Variants in SMIM10L3 observed in about 807,000 individuals in gnomAD.
SMIM10L3 encodes small integral membrane protein 10 like 3.
At chr7:6,333,883 T>G in the SMIM10L3 span, among the ~76,000 whole-genome samples, 38 of 147,080 alleles carry the variant, frequency 2.6e-4, no homozygotes, top group East Asian at 5.1e-3. Context: ...TTGCTCTTTT[T>G]TTGCCCAGGC....
chr7:6,330,037 G>T, the SMIM10L3 span: 1 of 276,960 alleles, frequency 3.6e-6, no homozygotes, highest in African/African-American at 2.3e-5. Flanking sequence ...AGGACACACA[G>T]GATTTGGGAC....
At chr7:6,346,989 T>C in the SMIM10L3 span, among the ~76,000 whole-genome samples, 3 of 152,140 alleles carry the variant, frequency 2.0e-5, no homozygotes, top group African/African-American at 7.2e-5. Context: ...CCAGCTTTCT[T>C]TGAGAAAGAA....
the SMIM10L3 span, among the ~76,000 whole-genome samples, chr7:6,345,264 C>G: frequency 5.9e-5 from 9 of 151,386 alleles, no homozygotes; most frequent in African/African-American, 1.7e-4. Context: ...ATTACAGGCA[C>G]GCACCACGAC....
the SMIM10L3 span, among the ~76,000 whole-genome samples, chr7:6,339,094 T>C: frequency 6.6e-6 from 1 of 152,104 alleles, no homozygotes; most frequent in Non-Finnish European, 1.5e-5. Context: ...CCACAGCACT[T>C]CTAAATTAGG....
At chr7:6,341,279 C>G in the SMIM10L3 span, among the ~76,000 whole-genome samples, 1 of 148,942 alleles carries the variant, frequency 6.7e-6, no homozygotes, top group South Asian at 2.1e-4. Context: ...CCCATCTCTA[C>G]GAAAATACAA....
chr7:6,333,181 A>C, the SMIM10L3 span, among the ~76,000 whole-genome samples: 29 of 147,178 alleles, frequency 2.0e-4, no homozygotes, highest in East Asian at 8.3e-4. Flanking sequence ...AAAAAAAAAA[A>C]CAAAAAACAA....
chr7:6,347,275 G>T, the SMIM10L3 span, among the ~76,000 whole-genome samples: 1 of 152,210 alleles, frequency 6.6e-6, no homozygotes, highest in Admixed American at 6.6e-5. Context: ...AGCACTTTGG[G>T]AGGTCGAGGC....
chr7:6,341,246 C>A, the SMIM10L3 span, among the ~76,000 whole-genome samples: 3,481 of 151,438 alleles, frequency 0.023, 66 homozygotes, highest in Middle Eastern at 0.055. Flanking sequence ...AGATTGAGAC[C>A]ATCCTGGCTA....
chr7:6,333,677 T>TC, the SMIM10L3 span, among the ~76,000 whole-genome samples: 1 of 151,482 alleles, frequency 6.6e-6, no homozygotes, highest in Admixed American at 6.6e-5. Flanking sequence ...TTTTTTTTTT[T>TC]CAGAGCAGGA....
At chr7:6,347,491 G>A in the SMIM10L3 span, among the ~76,000 whole-genome samples, 1 of 151,534 alleles carries the variant, frequency 6.6e-6, no homozygotes, top group Non-Finnish European at 1.5e-5. Context: ...ACTCCAGCTT[G>A]GGCAAGAGTA....
At chr7:6,330,819 C>T in the SMIM10L3 span, 27 of 1,614,178 alleles carry the variant, frequency 1.7e-5, no homozygotes, top group Non-Finnish European at 2.3e-5. Flanking sequence ...GAGCAAAACA[C>T]TCTGTTGGAG....
At chr7:6,345,615 TTC>T in the SMIM10L3 span, among the ~76,000 whole-genome samples, 998 of 152,272 alleles carry the variant, frequency 6.6e-3, 7 homozygotes, top group Middle Eastern at 0.014. Flanking sequence ...GTAGCAGGTT[TTC>T]TCTTATAGCC....
the SMIM10L3 span, among the ~76,000 whole-genome samples, chr7:6,339,355 C>G: frequency 6.6e-6 from 1 of 151,978 alleles, no homozygotes; most frequent in Admixed American, 6.6e-5. Context: ...GTGGTCCCAG[C>G]TACTCAGGAG....
At chr7:6,330,390 T>C in the SMIM10L3 span, 5 of 1,612,454 alleles carry the variant, frequency 3.1e-6, no homozygotes, top group Non-Finnish European at 4.2e-6. Flanking sequence ...TATGGCATAA[T>C]GTATTTGCTA....
the SMIM10L3 span, chr7:6,348,549 G>A: frequency 4.7e-6 from 2 of 423,054 alleles, no homozygotes; most frequent in Middle Eastern, 6.0e-4. Context: ...AGGGCCGGGG[G>A]CCGGGCAGGC....
At chr7:6,347,430 C>G in the SMIM10L3 span, among the ~76,000 whole-genome samples, 4 of 151,808 alleles carry the variant, frequency 2.6e-5, no homozygotes, top group Non-Finnish European at 4.4e-5. Context: ...TCAGGAGAAT[C>G]GCTTGAACTC....
At chr7:6,335,336 C>G in the SMIM10L3 span, among the ~76,000 whole-genome samples, 1 of 151,944 alleles carries the variant, frequency 6.6e-6, no homozygotes, top group Non-Finnish European at 1.5e-5. Context: ...GATTCTCCTG[C>G]CTCAACCTCC....
chr7:6,336,569 T>A, the SMIM10L3 span, among the ~76,000 whole-genome samples: 1 of 151,038 alleles, frequency 6.6e-6, no homozygotes, highest in Non-Finnish European at 1.5e-5. Context: ...TAATCCCAGC[T>A]ATTAGTCAGG....
the SMIM10L3 span, among the ~76,000 whole-genome samples, chr7:6,336,950 G>A: frequency 1.3e-5 from 2 of 151,994 alleles, no homozygotes; most frequent in African/African-American, 4.8e-5. Flanking sequence ...CACCATGGCT[G>A]GCCATATTCT....
Sources: gnomAD v4.1 joint callset for allele counts (sites outside exome capture counted in the v4.1 genomes callset) on GRCh38, gnomAD v4.1.1 for gene constraint, MANE v1.5 for transcripts, NCBI Gene and HGNC (gene_info 2026-07-23, HGNC 2026-07-21) for gene names.